Variants in PPP2R2B observed in about 807,000 individuals in gnomAD.
PPP2R2B encodes the protein serine/threonine-protein phosphatase 2A 55 kDa regulatory subunit B beta isoform.
PPP2R2B carries 5 observed loss-of-function variants against 46.0 expected under a neutral mutation model. The ratio of observed to expected loss-of-function variants is 0.11; its 90% CI spans 0.06 to 0.23. PPP2R2B has a LOEUF of 0.23. Among genes scored for constraint, PPP2R2B ranks in the 10% least tolerant of loss-of-function variants. PPP2R2B has a pLI of 1.00. For missense variants in PPP2R2B, 367 were observed against 575.0 expected, an observed-to-expected ratio of 0.64 and a Z score of 3.70; for synonymous variants, 215 against 206.7, an observed-to-expected ratio of 1.04 and a Z score of -0.34.
intron 1 of PPP2R2B, among the ~76,000 whole-genome samples, chr5:146,991,788 G>T (rs979717306): frequency 1.3e-5 from 2 of 151,774 alleles, no homozygotes; most frequent in African/African-American, 4.8e-5. Flanking sequence ...AAAATAAAAT[G>T]AAATACTTAG....
intron 2 of PPP2R2B, among the ~76,000 whole-genome samples, chr5:146,850,120 G>A (rs2151381115): frequency 6.6e-6 from 1 of 152,286 alleles, no homozygotes; most frequent in East Asian, 1.9e-4. Flanking sequence ...GTGTGTGGGT[G>A]ACACAGAGGA....
At chr5:146,976,108 T>TTTA (rs143212984) in intron 1 of PPP2R2B, among the ~76,000 whole-genome samples, 6,631 of 130,426 alleles carry the variant, frequency 0.051, 176 homozygotes, top group Non-Finnish European at 0.054. Flanking sequence ...TTTTAAAAAA[T>TTTA]TTATTATTAT....
chr5:146,642,972 G>C (rs1359342434), intron 6 of PPP2R2B, among the ~76,000 whole-genome samples: 1 of 152,160 alleles, frequency 6.6e-6, no homozygotes, highest in Non-Finnish European at 1.5e-5. Context: ...CAGGAGGATT[G>C]ATTGAGCCTG....
At position 147,067,484 on chromosome 5, in the gene PPP2R2B, G is replaced by A. The variant is rs924224609; in HGVS notation, c.50+13575C>T. ...TCATCAGTGTTGTCACAAATGACAG[G>A]CTTTCTTTCTTTTTCCAGGCCAAGT... On this transcript the variant is annotated intron_variant, in intron 2 of 10. Transcript: ENST00000394413. 1.1e-4 allele frequency among the ~76,000 whole-genome samples: 16 copies of A among 152,236 alleles called. No homozygotes were observed. The East Asian group carries it at 3.1e-3, about 29-fold the overall frequency.
chr5:146,736,669 A>G (rs1752558544), intron 2 of PPP2R2B, among the ~76,000 whole-genome samples: 1 of 152,188 alleles, frequency 6.6e-6, no homozygotes, highest in Non-Finnish European at 1.5e-5. Context: ...ACATGGGTAC[A>G]TCCCACAATT....
chr5:146,775,911 A>C (rs971645945), intron 2 of PPP2R2B, among the ~76,000 whole-genome samples: 3 of 152,132 alleles, frequency 2.0e-5, no homozygotes, highest in African/African-American at 7.2e-5. Flanking sequence ...CTTAGGAATA[A>C]ATTTAACTAA....
rs770414755 is a variant in PPP2R2B, at chr5:147,055,644, C to T, written c.79+21G>A. On this transcript the variant is annotated intron_variant, in intron 1 of 8. Coordinates refer to the PPP2R2B transcript ENST00000336640. Reference sequence around the variant, plus strand: ...CCCACTTTTCCCACCCACCCAGACACTCTCCCTCTCTGGTCTGTACCTTCT... The same window carrying T: ...CCCACTTTTCCCACCCACCCAGACATTCTCCCTCTCTGGTCTGTACCTTCT... 12 of 1,589,046 alleles carry T rather than the reference C, an allele frequency of 7.6e-6. No homozygotes were observed. The East Asian group carries it at 2.2e-4, about 30-fold the overall frequency.
chr5:146,757,985 C>A (rs1753938644), intron 2 of PPP2R2B, among the ~76,000 whole-genome samples: 1 of 152,168 alleles, frequency 6.6e-6, no homozygotes, highest in African/African-American at 2.4e-5. Flanking sequence ...CAAAGGAAAA[C>A]AACCAAGGAA....
chr5:146,987,390 G>A (rs1018519545), intron 1 of PPP2R2B, among the ~76,000 whole-genome samples: 4 of 151,904 alleles, frequency 2.6e-5, no homozygotes, highest in African/African-American at 9.7e-5. Flanking sequence ...AGTACCAAAA[G>A]ATAAAACTAC....
intron 5 of PPP2R2B, among the ~76,000 whole-genome samples, chr5:146,674,483 T>C (rs1351981086): frequency 1.3e-5 from 2 of 152,264 alleles, no homozygotes; most frequent in African/African-American, 4.8e-5. Context: ...AAAGTATCCA[T>C]GTGACTCATT....
At chr5:146,909,761 T>C (rs1210319960) in intron 1 of PPP2R2B, among the ~76,000 whole-genome samples, 1 of 152,186 alleles carries the variant, frequency 6.6e-6, no homozygotes, top group African/African-American at 2.4e-5. Flanking sequence ...TGTGTTTCAA[T>C]TAGAATAGAT....
chr5:146,725,297 T>G (rs746032896), intron 2 of PPP2R2B, among the ~76,000 whole-genome samples: 5 of 152,184 alleles, frequency 3.3e-5, no homozygotes, highest in Non-Finnish European at 5.9e-5. Flanking sequence ...TAGATTTGAT[T>G]TCCTTTGCAG....
At chr5:146,637,036 C>T (rs1774874043) in intron 7 of PPP2R2B, among the ~76,000 whole-genome samples, 1 of 152,208 alleles carries the variant, frequency 6.6e-6, no homozygotes, top group South Asian at 2.1e-4. Flanking sequence ...CCATAATTAT[C>T]TCCATCATTC....
At chr5:146,856,514 T>A (rs758612314) in intron 2 of PPP2R2B, 24 of 1,602,926 alleles carry the variant, frequency 1.5e-5, no homozygotes, top group Non-Finnish European at 1.9e-5. Context: ...TTTCCATAGG[T>A]GTTTTCATCT....
intron 2 of PPP2R2B, among the ~76,000 whole-genome samples, chr5:146,866,879 CT>C (rs1425817239): frequency 6.6e-6 from 1 of 152,134 alleles, no homozygotes; most frequent in Non-Finnish European, 1.5e-5. Context: ...GCCTTCCATT[CT>C]TTCTGTAAAA....
intron 5 of PPP2R2B, among the ~76,000 whole-genome samples, chr5:146,660,189 G>A (rs322979): frequency 0.72 from 110,051 of 152,088 alleles, 42,399 homozygotes; most frequent in Non-Finnish European, 0.86. Flanking sequence ...TTATTGAAGG[G>A]TAATTCAGTG....
intron 1 of PPP2R2B, among the ~76,000 whole-genome samples, chr5:146,985,047 G>T (rs1753360924): frequency 2.4e-5 from 3 of 125,910 alleles, no homozygotes; most frequent in Middle Eastern, 6.7e-3. Context: ...TTGAGACGGA[G>T]TCTCACTCTG....
intron 1 of PPP2R2B, among the ~76,000 whole-genome samples, chr5:146,957,767 G>A (rs532993954): frequency 3.4e-4 from 51 of 152,234 alleles, no homozygotes; most frequent in Admixed American, 5.9e-4. Flanking sequence ...TGAATAAATG[G>A]TCTCAGTTTC....
At chr5:146,838,719 C>T (rs1276331886) in intron 2 of PPP2R2B, among the ~76,000 whole-genome samples, 1 of 152,122 alleles carries the variant, frequency 6.6e-6, no homozygotes, top group African/African-American at 2.4e-5. Context: ...GATATGCTAA[C>T]ACATTAATGA....
Sources: allele counts gnomAD v4.1 joint callset (sites outside exome capture counted in the v4.1 genomes callset), GRCh38; gene constraint gnomAD v4.1.1; transcripts MANE v1.5; gene names NCBI Gene and HGNC (gene_info 2026-07-23, HGNC 2026-07-21).